TAS2R1: variants seen among roughly 807,000 people sequenced by gnomAD.
TAS2R1 encodes taste receptor type 2 member 1.
For synonymous variants in TAS2R1, 141 were observed against 134.2 expected, an observed-to-expected ratio of 1.05 and a Z score of -0.35; for missense variants, 370 against 353.4, an observed-to-expected ratio of 1.05 and a Z score of -0.38.
rs931924330 is a variant in TAS2R1, at chr5:9,630,251, T to C, written c.-219A>G. The C allele has an allele frequency of 2.7e-6, 1 of 363,838 alleles. No individual in the cohort carries two copies. The highest frequency in any genetic ancestry group is 2.1e-5 in the African/African-American group (1 of 47,646). 22.5% of individuals were successfully genotyped at this position (363,838 alleles called of 1,614,324 possible). A position where few individuals can be genotyped will look rare whatever the true frequency, so the allele number is the denominator to read the frequency against. ...AAGGAGGAGATACTCTAGCATCAAT[T>C]TGCTTCTTATTGATGGCTTTTGCAT... On this transcript the variant is annotated 5_prime_UTR_variant, in exon 1 of 1. Coordinates refer to ENST00000382492, the MANE Select transcript of TAS2R1 (RefSeq NM_019599.3).
At chr5:9,764,850 C>T in the TAS2R1 span, among the ~76,000 whole-genome samples, 1 of 152,116 alleles carries the variant, frequency 6.6e-6, no homozygotes, top group Admixed American at 6.5e-5. Flanking sequence ...TGTTTAAAAC[C>T]AAATGAGGAA....
chr5:9,844,369 T>G, the TAS2R1 span, among the ~76,000 whole-genome samples: 1 of 152,216 alleles, frequency 6.6e-6, no homozygotes, highest in Admixed American at 6.5e-5. Context: ...TTATTACTTG[T>G]ATTCCAGTCA....
chr5:9,637,905 C>CTGAAT (rs1206351947), intron 2 of TAS2R1, among the ~76,000 whole-genome samples: 1 of 152,168 alleles, frequency 6.6e-6, no homozygotes, highest in African/African-American at 2.4e-5. Context: ...AATCAATCTT[C>CTGAAT]TGAATTCTTT....
the TAS2R1 span, among the ~76,000 whole-genome samples, chr5:9,726,353 C>T: frequency 1.3e-5 from 2 of 152,180 alleles, no homozygotes; most frequent in Non-Finnish European, 2.9e-5. Flanking sequence ...AGCGCCCTGT[C>T]AAAACAGACC....
the TAS2R1 span, among the ~76,000 whole-genome samples, chr5:9,797,747 G>A: frequency 6.6e-6 from 1 of 152,032 alleles, no homozygotes; most frequent in African/African-American, 2.4e-5. Context: ...GTAGCAGGCT[G>A]TTTTTAGCTT....
upstream of TAS2R1, chr5:9,714,203 T>C (rs928726671): frequency 6.6e-6 from 1 of 152,242 alleles, no homozygotes; most frequent in Admixed American, 6.5e-5. Context: ...TTCCTCCCTG[T>C]GGCACAGTCA....
chr5:9,800,718 C>T, the TAS2R1 span, among the ~76,000 whole-genome samples: 4 of 152,206 alleles, frequency 2.6e-5, no homozygotes, highest in Admixed American at 2.6e-4. Context: ...CCTTCTCATG[C>T]CACCTCTTTC....
At chr5:9,742,186 G>A in the TAS2R1 span, among the ~76,000 whole-genome samples, 4 of 152,136 alleles carry the variant, frequency 2.6e-5, no homozygotes, top group Non-Finnish European at 5.9e-5. Context: ...CGTCTGGCCT[G>A]CACAAACAAG....
In TAS2R1 at chr5:9,674,643, C is replaced by T. The variant is rs1196909401; in HGVS notation, c.-241-15062G>A. Reference sequence around the variant, plus strand: ...ATGTAATTGTATTTAATTACATATACATGCATTCAGTTACATATATTAACT... The same window carrying T: ...ATGTAATTGTATTTAATTACATATATATGCATTCAGTTACATATATTAACT... On this transcript the variant is annotated intron_variant, in intron 1 of 2. Transcript: ENST00000506620. Among the ~76,000 whole-genome samples the T allele has an allele frequency of 7.9e-5, 12 of 152,198 alleles. No homozygotes were observed. The East Asian group carries it at 2.3e-3, about 29-fold the overall frequency.
chr5:9,868,049 T>C, the TAS2R1 span, among the ~76,000 whole-genome samples: 1 of 152,206 alleles, frequency 6.6e-6, no homozygotes, highest in East Asian at 1.9e-4. Flanking sequence ...CTCCTGTGGC[T>C]TAATAGGGTA....
chr5:9,663,218 T>C (rs1740571630), intron 1 of TAS2R1, among the ~76,000 whole-genome samples: 1 of 152,144 alleles, frequency 6.6e-6, no homozygotes, highest in African/African-American at 2.4e-5. Context: ...ACAATATATG[T>C]GCTAAAAGAA....
the TAS2R1 span, among the ~76,000 whole-genome samples, chr5:9,902,931 T>C: frequency 6.6e-6 from 1 of 151,860 alleles, no homozygotes; most frequent in Admixed American, 6.6e-5. Flanking sequence ...TTGAAATATA[T>C]CAGATAATTC....
At chr5:9,649,839 TG>T (rs1318027581) in intron 2 of TAS2R1, among the ~76,000 whole-genome samples, 1 of 152,178 alleles carries the variant, frequency 6.6e-6, no homozygotes, top group African/African-American at 2.4e-5. Context: ...ATCTGTCATT[TG>T]GGGGAAAAGG....
chr5:9,702,344 AT>A (rs1741505514), intron 1 of TAS2R1, among the ~76,000 whole-genome samples: 1 of 152,150 alleles, frequency 6.6e-6, no homozygotes, highest in African/African-American at 2.4e-5. Flanking sequence ...GTCTGCAGAC[AT>A]TTTCATTATC....
At chr5:9,880,148 A>G in the TAS2R1 span, among the ~76,000 whole-genome samples, 4 of 152,160 alleles carry the variant, frequency 2.6e-5, no homozygotes, top group Non-Finnish European at 5.9e-5. Context: ...TACATAAACT[A>G]TACGTAAAGA....
chr5:9,741,795 G>A, the TAS2R1 span, among the ~76,000 whole-genome samples: 474 of 152,176 alleles, frequency 3.1e-3, 2 homozygotes, highest in African/African-American at 0.011. Context: ...TCCCAGGGTC[G>A]TGCCTTCATT....
upstream of TAS2R1, among the ~76,000 whole-genome samples, chr5:9,713,370 A>T (rs966429417): frequency 6.6e-6 from 1 of 152,196 alleles, no homozygotes; most frequent in Admixed American, 6.5e-5. Flanking sequence ...AGGGGGAAAC[A>T]GAAGGATTTT....
At chr5:9,730,697 GCATGATATGGT>G in the TAS2R1 span, among the ~76,000 whole-genome samples, 41 of 152,250 alleles carry the variant, frequency 2.7e-4, no homozygotes, top group Middle Eastern at 3.4e-3. Flanking sequence ...ATGAAGAGTG[GCATGATATGGT>G]TTGGCTGTGT....
At chr5:9,809,418 G>A in the TAS2R1 span, among the ~76,000 whole-genome samples, 10 of 152,204 alleles carry the variant, frequency 6.6e-5, no homozygotes, top group South Asian at 2.1e-3. Flanking sequence ...ATTAGGTTTA[G>A]ATGAGGTCAT....
Sources: gnomAD v4.1 joint callset for allele counts (sites outside exome capture counted in the v4.1 genomes callset) on GRCh38, gnomAD v4.1.1 for gene constraint, MANE v1.5 for transcripts, NCBI Gene and HGNC (gene_info 2026-07-23, HGNC 2026-07-21) for gene names.